The following FAAH2 variants were observed in gnomAD, a reference collection of about 807,000 sequenced individuals.
FAAH2 encodes the protein fatty-acid amide hydrolase 2.
In FAAH2, 60 loss-of-function variants were observed where a neutral mutation model predicts 36.9. That is an observed-to-expected ratio of 1.63 (90% CI 1.32 to 2.02). The LOEUF (loss-of-function observed/expected upper bound fraction) is 2.02, where lower values mean the gene tolerates loss of function less well. Ranked by LOEUF, FAAH2 falls within the 30% of genes most tolerant of loss-of-function variation. The pLI, the probability that FAAH2 is intolerant of heterozygous loss-of-function variation, is 0.00. For synonymous variants in FAAH2, 214 were observed against 143.8 expected (o/e 1.49, Z -3.49); for missense variants, 689 against 397.5 (o/e 1.73, Z -6.23).
the FAAH2 span, among the ~76,000 whole-genome samples, chrX:57,160,553 C>G: frequency 8.9e-6 from 1 of 111,951 alleles, no homozygotes; most frequent in African/African-American, 3.2e-5. Flanking sequence ...TCAACTTCTT[C>G]CTGGTTTAGT....
chrX:57,288,251 T>C (rs902489739), intron 1 of FAAH2, among the ~76,000 whole-genome samples: 5 of 109,412 alleles, frequency 4.6e-5, no homozygotes, highest in Non-Finnish European at 9.5e-5. Context: ...AACATAATGA[T>C]TAGAAGGATG....
chrX:57,184,224 G>T, the FAAH2 span, among the ~76,000 whole-genome samples: 2 of 111,700 alleles, frequency 1.8e-5, no homozygotes, highest in Non-Finnish European at 3.8e-5. Context: ...CTTTTGTCCT[G>T]TTCCCTCAGA....
At chrX:57,455,087 ACT>A (rs911017816) in intron 10 of FAAH2, among the ~76,000 whole-genome samples, 2 of 111,374 alleles carry the variant, frequency 1.8e-5, no homozygotes, top group African/African-American at 6.5e-5. Flanking sequence ...ACCCCACCAG[ACT>A]CTCTGTAAGA....
chrX:57,489,052 C>A lies in FAAH2; in HGVS notation c.*120C>A. ...GAGAAACAACTGGGGAATTTATTGACTCATTTAGTTATTCTTTCTACTTTT... is the reference window on the plus strand; with the variant it reads ...GAGAAACAACTGGGGAATTTATTGAATCATTTAGTTATTCTTTCTACTTTT... On this transcript the variant is annotated 3_prime_UTR_variant, in exon 11 of 11. Coordinates refer to ENST00000374900, the MANE Select transcript of FAAH2 (RefSeq NM_174912.4). 1.4e-6 allele frequency: 1 copy of A among 714,676 alleles called. No individual in the cohort carries two copies. Among genetic ancestry groups the A allele is most frequent in the Non-Finnish European group, 2.0e-6 (1 of 508,090 alleles). The allele number at this position is 714,676 out of a possible 1,213,427, so 58.9% of individuals were successfully genotyped here.
At chrX:57,236,138 C>T in the FAAH2 span, among the ~76,000 whole-genome samples, 1 of 111,884 alleles carries the variant, frequency 8.9e-6, no homozygotes, top group Non-Finnish European at 1.9e-5. Flanking sequence ...ATATTGTGTC[C>T]TTTAGGTTGA....
chrX:57,430,717 C>T (rs1401891627), intron 7 of FAAH2, among the ~76,000 whole-genome samples: 9 of 112,050 alleles, frequency 8.0e-5, no homozygotes. Flanking sequence ...AGTGCTGCCA[C>T]TTTTCCCCTG....
the FAAH2 span, among the ~76,000 whole-genome samples, chrX:57,274,568 G>T: frequency 8.9e-6 from 1 of 111,919 alleles, no homozygotes; most frequent in African/African-American, 3.2e-5. Flanking sequence ...TGATCAAGTT[G>T]GCTTCATACC....
chrX:57,316,433 C>G (rs528438829), intron 3 of FAAH2, among the ~76,000 whole-genome samples: 97 of 111,478 alleles, frequency 8.7e-4, no homozygotes, highest in Non-Finnish European at 1.4e-3. Flanking sequence ...CAATCCTAAG[C>G]AAATAGAAGC....
At chrX:57,175,688 G>A in the FAAH2 span, among the ~76,000 whole-genome samples, 1 of 111,441 alleles carries the variant, frequency 9.0e-6, no homozygotes, top group African/African-American at 3.2e-5. Flanking sequence ...TTTACAAGAG[G>A]TTCTATTCTG....
the FAAH2 span, among the ~76,000 whole-genome samples, chrX:57,213,579 A>G: frequency 9.0e-6 from 1 of 111,605 alleles, no homozygotes; most frequent in Non-Finnish European, 1.9e-5. Flanking sequence ...TTATTTTATC[A>G]TCAATCAAAA....
At chrX:57,376,999 G>A (rs1252864190) in intron 5 of FAAH2, among the ~76,000 whole-genome samples, 1 of 111,559 alleles carries the variant, frequency 9.0e-6, no homozygotes, top group African/African-American at 3.3e-5. Context: ...ACTTTTTGAT[G>A]TTTTTGTTTT....
chrX:57,377,387 A>G (rs1184432073), intron 5 of FAAH2, among the ~76,000 whole-genome samples: 2 of 112,256 alleles, frequency 1.8e-5, no homozygotes, highest in Non-Finnish European at 3.8e-5. Flanking sequence ...TCCCAGCACC[A>G]TTTATTAAAT....
At chrX:57,393,777 G>T in intron 7 of FAAH2, 1 of 915,491 alleles carries the variant, frequency 1.1e-6, no homozygotes, top group Non-Finnish European at 1.6e-6. Flanking sequence ...TGGACCGTCT[G>T]TGTGTGACTT....
At chrX:57,202,519 A>G in the FAAH2 span, among the ~76,000 whole-genome samples, 5 of 111,781 alleles carry the variant, frequency 4.5e-5, no homozygotes, top group Non-Finnish European at 9.4e-5. Context: ...AGCCACCTGG[A>G]ACTTGGGGTG....
At position 57,472,648 on chromosome X, in the gene FAAH2, T is replaced by G. The variant is rs774468512; in HGVS notation, c.1424-16109T>G. Among the ~76,000 whole-genome samples, 5 of 111,534 alleles carry G rather than the reference T, an allele frequency of 4.5e-5. No individual in the cohort carries two copies. The East Asian group carries it at 1.4e-3, about 31-fold the overall frequency. On this transcript the variant is annotated intron_variant, in intron 10 of 10. Transcript: ENST00000374900. ...AGATTTGTATTACTGATTAGATTAG[T>G]GATTAGATCTCTTTGTTGGAAGATT...
chrX:57,137,097 A>G, the FAAH2 span: 1 of 777,215 alleles, frequency 1.3e-6, no homozygotes, highest in South Asian at 6.0e-5. Context: ...CCTGTCGTCC[A>G]CCGCACTCCC....
At chrX:57,256,007 G>T in the FAAH2 span, among the ~76,000 whole-genome samples, 2 of 111,781 alleles carry the variant, frequency 1.8e-5, no homozygotes, top group African/African-American at 3.2e-5. Flanking sequence ...CAGATGACAT[G>T]ATTGCATATT....
intron 7 of FAAH2, among the ~76,000 whole-genome samples, chrX:57,417,529 A>T (rs1212966958): frequency 8.9e-6 from 1 of 112,047 alleles, no homozygotes; most frequent in African/African-American, 3.2e-5. Flanking sequence ...TCCACTCCAG[A>T]CCCTGTTTGC....
chrX:57,244,406 A>T, the FAAH2 span, among the ~76,000 whole-genome samples: 1 of 111,011 alleles, frequency 9.0e-6, no homozygotes, highest in African/African-American at 3.3e-5. Flanking sequence ...CACCACAAAC[A>T]TACTCCTCGA....
Sources: allele counts gnomAD v4.1 joint callset (sites outside exome capture counted in the v4.1 genomes callset), GRCh38; gene constraint gnomAD v4.1.1; transcripts MANE v1.5; gene names NCBI Gene and HGNC (gene_info 2026-07-23, HGNC 2026-07-21).